The following DUSP18 variants were observed in gnomAD, a reference collection of about 807,000 sequenced individuals.
DUSP18 encodes dual specificity phosphatase 18, also known as dual specificity protein phosphatase 18.
Under a neutral mutation model 6.3 loss-of-function variants are expected in DUSP18, and 4 were observed. The observed-to-expected ratio is 0.63, with a 90% CI of 0.31 to 1.45. DUSP18 has a LOEUF of 1.45. Among genes scored for constraint, DUSP18 ranks in the 40% most tolerant of loss-of-function variants. The pLI is 0.07. For synonymous variants in DUSP18, 96 were observed against 95.1 expected (o/e 1.01, Z -0.05); for missense variants, 235 against 247.7 (o/e 0.95, Z 0.34).
At chr22:30,659,230 A>C (rs886180971), downstream of DUSP18, among the ~76,000 whole-genome samples, 2 of 152,164 alleles carry the variant, frequency 1.3e-5, no homozygotes, top group Non-Finnish European at 2.9e-5. Context: ...CTGCCTCCTA[A>C]AACAAAAACC....
At chr22:30,659,726 AAATGTG>A (rs1362455842), downstream of DUSP18, among the ~76,000 whole-genome samples, 1 of 152,222 alleles carries the variant, frequency 6.6e-6, no homozygotes, top group Non-Finnish European at 1.5e-5. Context: ...ATTCCCTGGA[AAATGTG>A]AATGTTACTT....
chr22:30,655,001 C>T (rs745616457), intron 2 of DUSP18, among the ~76,000 whole-genome samples: 3 of 152,156 alleles, frequency 2.0e-5, no homozygotes, highest in Non-Finnish European at 4.4e-5. Flanking sequence ...AGAACCAAGA[C>T]GACCTTGTGC....
chr22:30,655,075 C>T (rs2088307483), intron 2 of DUSP18, among the ~76,000 whole-genome samples: 1 of 152,040 alleles, frequency 6.6e-6, no homozygotes, highest in Non-Finnish European at 1.5e-5. Context: ...TTCTCTGCTC[C>T]CTACACTGCT....
At position 30,667,614 on chromosome 22, in the gene DUSP18, G is replaced by C. The variant is rs1339310768; in HGVS notation, c.-230C>G. The C allele has an allele frequency of 1.3e-5, 2 of 152,628 alleles. No homozygotes were observed. Among genetic ancestry groups the C allele is most frequent in the East Asian group, 1.9e-4 (1 of 5,180 alleles). 9.5% of individuals were successfully genotyped at this position (152,628 alleles called of 1,614,324 possible). The stretch of plus-strand genomic sequence containing the variant: ...TGGTTTCCATAGCAATGGGCTCGTC[G>C]CAGAAAGGAATAGCCTGTGCCGGGT... On this transcript the variant is annotated 5_prime_UTR_variant, in exon 1 of 2. Coordinates refer to ENST00000334679, the MANE Select transcript of DUSP18 (RefSeq NM_152511.5).
rs968898892 is a variant in DUSP18, at chr22:30,664,099, T to A, written c.-77-19A>T. The A allele has an allele frequency of 1.7e-6, 2 of 1,151,740 alleles. No homozygotes were observed. Among genetic ancestry groups the A allele is most frequent in the Non-Finnish European group, 2.5e-6 (2 of 810,476 alleles). 71.3% of individuals were successfully genotyped at this position (1,151,740 alleles called of 1,614,324 possible). A position where few individuals can be genotyped will look rare whatever the true frequency, so the allele number is the denominator to read the frequency against. On this transcript the variant is annotated intron_variant, in intron 1 of 1. Coordinates refer to ENST00000334679, the MANE Select transcript of DUSP18 (RefSeq NM_152511.5). ...TGGAAAACTGCAGAGAGGGAGAGGA[T>A]GTTTAGAGGGCAGGTGCCCAGAGGG...
chr22:30,659,165 C>T (rs1425589128), downstream of DUSP18, among the ~76,000 whole-genome samples: 1 of 147,760 alleles, frequency 6.8e-6, no homozygotes, highest in Non-Finnish European at 1.5e-5. Flanking sequence ...TGAACTGATA[C>T]TGGAACTACA....
At chr22:30,661,203 CCCG>C (rs1285214266), downstream of DUSP18, among the ~76,000 whole-genome samples, 1 of 152,140 alleles carries the variant, frequency 6.6e-6, no homozygotes, top group Non-Finnish European at 1.5e-5. Flanking sequence ...TAGCCACCCC[CCCG>C]CCAAGTGAAA....
chr22:30,658,573 G>C (rs948709172), downstream of DUSP18, among the ~76,000 whole-genome samples: 1 of 151,856 alleles, frequency 6.6e-6, no homozygotes, highest in African/African-American at 2.4e-5. Context: ...GCCATGGAGG[G>C]TGCGTAACAA....
chr22:30,654,654 G>T (rs2145592675), intron 2 of DUSP18: 1 of 449,124 alleles, frequency 2.2e-6, no homozygotes, highest in Non-Finnish European at 4.4e-6. Flanking sequence ...ACTTGTGGAG[G>T]AAGGCCAGGT....
downstream of DUSP18, among the ~76,000 whole-genome samples, chr22:30,659,384 T>C (rs1273067498): frequency 6.6e-6 from 1 of 152,108 alleles, no homozygotes; most frequent in African/African-American, 2.4e-5. Flanking sequence ...TTTTCTCTCT[T>C]TTTTTTGAGA....
intron 2 of DUSP18, among the ~76,000 whole-genome samples, chr22:30,655,436 A>C (rs2088318947): frequency 6.6e-6 from 1 of 151,234 alleles, no homozygotes; most frequent in African/African-American, 2.4e-5. Flanking sequence ...TACCAAAAAA[A>C]AAAAAAAAAA....
intron 1 of DUSP18, 113 bp from the exon 2 acceptor site, chr22:30,664,193 C>A: frequency 1.6e-6 from 1 of 608,232 alleles, no homozygotes. Flanking sequence ...GTCCTCTGAC[C>A]ATCACAGCAG....
In DUSP18 at chr22:30,663,548, G is replaced by A; in HGVS notation, c.456C>T (p.Ile152=). Residue 152 remains isoleucine, a synonymous_variant, in exon 2 of 2, where the codon ATC becomes ATT. Transcript: ENST00000334679. ...RPNSGFWEQL[I]HYEFQLFGKN... ...TGCCAAACAATTGGAACTCATAGTG[G>A]ATGAGCTGCTCCCAAAAGCCGCTGT... The A allele has an allele frequency of 6.2e-7, 1 of 1,614,218 alleles. No individual in the cohort carries two copies. Among genetic ancestry groups the A allele is most frequent in the South Asian group, 1.1e-5 (1 of 91,082 alleles).
intron 2 of DUSP18, among the ~76,000 whole-genome samples, chr22:30,653,300 G>T (rs1227259623): frequency 2.0e-5 from 3 of 151,966 alleles, no homozygotes; most frequent in African/African-American, 7.2e-5. Context: ...TATGCCTGCT[G>T]AAGTTTTTCA....
intron 1 of DUSP18, 54 bp downstream of exon 1, chr22:30,667,408 G>A (rs1004891026): frequency 6.6e-6 from 1 of 152,216 alleles, no homozygotes; most frequent in Non-Finnish European, 1.5e-5. Flanking sequence ...TAGGGGAGCT[G>A]GCATTGGAAT....
In DUSP18 at chr22:30,663,983, G is replaced by A; in HGVS notation, c.21C>T (p.Ala7=). MTAPSC[A]FPVQFRQPSV... ...AGGGCTGCCGGAACTGAACTGGGAA[G>A]GCACACGAGGGTGCTGTCATCAAGG... Residue 7 remains alanine (A), a synonymous_variant, in exon 2 of 2, where the codon GCC becomes GCT. Transcript: ENST00000334679. 2.5e-6 allele frequency: 4 copies of A among 1,613,432 alleles called. No homozygotes were observed. The South Asian group carries it at 3.3e-5, about 13-fold the overall frequency.
rs2088562488 is a variant in DUSP18, at chr22:30,663,897, T to C, written c.107A>G (p.Asn36Ser). Residue 36 changes from asparagine (N) to serine (S), a missense_variant, in exon 2 of 2, where the codon AAC becomes AGC. By Grantham distance (46) the Asn-to-Ser change is conservative. Transcript: ENST00000334679. ...SLYISNGVAA[N>S]NKLMLSSNQI... is the part of the protein sequence containing the mutation. ...GTTGCTAGACAGCATGAGCTTGTTG[T>C]TGGCGGCCACACCATTGCTGATATA... 6.2e-7 allele frequency: 1 copy of C among 1,614,134 alleles called. No homozygotes were observed. The highest frequency in any genetic ancestry group is 1.3e-5 in the African/African-American group (1 of 74,938).
chr22:30,654,601 G>C (rs961384675), intron 2 of DUSP18: 26 of 465,014 alleles, frequency 5.6e-5, no homozygotes, highest in Non-Finnish European at 1.1e-4. Flanking sequence ...AGTGGTGGGG[G>C]CCCAGAAGTG....
intron 1 of DUSP18, among the ~76,000 whole-genome samples, chr22:30,664,489 A>T (rs2088581983): frequency 6.6e-6 from 1 of 152,102 alleles, no homozygotes; most frequent in Non-Finnish European, 1.5e-5. Flanking sequence ...TGCTCTTCCA[A>T]ATTCTCTCCT....
Sources: gnomAD v4.1 joint callset for allele counts (sites outside exome capture counted in the v4.1 genomes callset) on GRCh38, gnomAD v4.1.1 for gene constraint, MANE v1.5 for transcripts, NCBI Gene and HGNC (gene_info 2026-07-23, HGNC 2026-07-21) for gene names.